PRKX: variants seen among roughly 807,000 people sequenced by gnomAD.
The protein encoded by PRKX is cAMP-dependent protein kinase catalytic subunit PRKX.
Under a neutral mutation model 22.0 loss-of-function variants are expected in PRKX, and 12 were observed. The ratio of observed to expected loss-of-function variants is 0.54; its 90% confidence interval spans 0.35 to 0.88. The LOEUF (loss-of-function observed/expected upper bound fraction) is 0.88. PRKX is among the 40% of genes least tolerant of loss of function. The pLI is 0.01. For missense variants in PRKX, 217 were observed against 308.0 expected (o/e 0.70, Z 2.21); for synonymous variants, 134 against 137.7 (o/e 0.97, Z 0.19).
chrX:3,613,351 C>G (rs1357281075), intron 7 of PRKX, among the ~76,000 whole-genome samples: 3 of 109,219 alleles, frequency 2.7e-5, no homozygotes, highest in African/African-American at 9.9e-5. Flanking sequence ...CACAAAGAAA[C>G]TCTAGAAGGA....
chrX:3,662,998 T>TAA (rs56411206), intron 2 of PRKX, among the ~76,000 whole-genome samples: 1,044 of 78,455 alleles, frequency 0.013, 15 homozygotes, highest in African/African-American at 0.024. Flanking sequence ...GCCCTGTCTT[T>TAA]AAAAAAAAAA....
At chrX:3,650,337 C>T (rs58088526) in intron 3 of PRKX, among the ~76,000 whole-genome samples, 31,006 of 103,447 alleles carry the variant, frequency 0.3, 4,281 homozygotes, top group East Asian at 0.6. Flanking sequence ...CTGGCTAACA[C>T]AGTGAAACCC....
chrX:3,693,889 G>A (rs1475274462), intron 1 of PRKX, among the ~76,000 whole-genome samples: 17 of 98,029 alleles, frequency 1.7e-4, no homozygotes, highest in Non-Finnish European at 2.8e-4. Context: ...GCAGTGAGCC[G>A]AGATTGCGCC....
At chrX:3,689,983 A>C (rs1285622571) in intron 1 of PRKX, among the ~76,000 whole-genome samples, 1 of 111,368 alleles carries the variant, frequency 9.0e-6, no homozygotes, top group Non-Finnish European at 1.9e-5. Flanking sequence ...TCTCGAAAAA[A>C]ACAAAACAAA....
Position 3,605,749 on chromosome X carries a change from T to G in PRKX, c.*3220A>C, listed in dbSNP as rs1926155371. On this transcript the variant is annotated 3_prime_UTR_variant, in exon 9 of 9. Transcript: ENST00000262848. ...AATGGGAAATTCAGTAACAAGTGAT[T>G]GTGCAGTTGTTTGATGGGCATGGAG... The G allele has an allele frequency of 2.7e-5, 3 of 112,300 alleles. No individual in the cohort carries two copies. The South Asian group carries it at 1.1e-3, about 42-fold the overall frequency. 9.3% of individuals were successfully genotyped at this position (112,300 alleles called of 1,213,427 possible).
At chrX:3,620,944 AAAAT>A (rs758621285) in intron 6 of PRKX, among the ~76,000 whole-genome samples, 14 of 111,664 alleles carry the variant, frequency 1.3e-4, no homozygotes, top group Non-Finnish European at 2.4e-4. Flanking sequence ...TTTAAAAAAT[AAAAT>A]AAATAAGTAA....
At chrX:3,647,508 GTAAT>G (rs1190225285) in intron 3 of PRKX, among the ~76,000 whole-genome samples, 1 of 103,511 alleles carries the variant, frequency 9.7e-6, no homozygotes, top group Non-Finnish European at 1.9e-5. Context: ...TGTTATATTA[GTAAT>G]TAACACATTA....
chrX:3,635,675 C>A (rs1327860716), intron 4 of PRKX, among the ~76,000 whole-genome samples: 2 of 111,580 alleles, frequency 1.8e-5, no homozygotes, highest in Admixed American at 1.9e-4. Flanking sequence ...GCAGCCTCGA[C>A]TTCCTGGGCT....
At chrX:3,646,811 G>C (rs1341478474) in intron 3 of PRKX, among the ~76,000 whole-genome samples, 3 of 110,980 alleles carry the variant, frequency 2.7e-5, no homozygotes, top group Admixed American at 9.6e-5. Context: ...GCATGGGACA[G>C]CTTCCGATGG....
At chrX:3,651,671 C>T (rs1455847898) in intron 3 of PRKX, among the ~76,000 whole-genome samples, 2 of 111,309 alleles carry the variant, frequency 1.8e-5, no homozygotes, top group Non-Finnish European at 3.8e-5. Flanking sequence ...TAAAACTGCC[C>T]CCACATCAAG....
Position 3,612,186 on chromosome X carries a change from G to A in PRKX, c.*14C>T. On this transcript the variant is annotated 3_prime_UTR_variant, in exon 8 of 9. Coordinates refer to ENST00000262848, the MANE Select transcript of PRKX (RefSeq NM_005044.5). Reference sequence around the variant, plus strand: ...AAATATAAAGATATACCTTCCAGATGTGAGCTCCTGTCCTCAGAAATTCTT... The same window carrying A: ...AAATATAAAGATATACCTTCCAGATATGAGCTCCTGTCCTCAGAAATTCTT... 5.0e-6 allele frequency: 6 copies of A among 1,204,689 alleles called. No homozygotes were observed. The highest frequency in any genetic ancestry group is 6.7e-6 in the Non-Finnish European group (6 of 892,158).
At chrX:3,707,529 G>A (rs1166157221) in intron 1 of PRKX, among the ~76,000 whole-genome samples, 7 of 111,431 alleles carry the variant, frequency 6.3e-5, no homozygotes, top group Non-Finnish European at 9.4e-5. Context: ...GCGGAGGCAG[G>A]CAGAATGCTT....
chrX:3,634,668 G>C (rs1926851450), intron 4 of PRKX, among the ~76,000 whole-genome samples: 1 of 111,126 alleles, frequency 9.0e-6, no homozygotes, highest in African/African-American at 3.3e-5. Context: ...ACAAAACCCA[G>C]AAAATACAGC....
intron 4 of PRKX, among the ~76,000 whole-genome samples, chrX:3,638,283 ATTGTT>A (rs1280604888): frequency 4.1e-5 from 3 of 73,318 alleles, no homozygotes; most frequent in Non-Finnish European, 8.9e-5. Flanking sequence ...TGAGACTAAT[ATTGTT>A]TTAACTATAG....
chrX:3,651,133 C>CA (rs1232471945), intron 3 of PRKX, among the ~76,000 whole-genome samples: 2 of 107,628 alleles, frequency 1.9e-5, no homozygotes, highest in South Asian at 4.0e-4. Flanking sequence ...AAAGCCCCCA[C>CA]AAAAAAAAAG....
At chrX:3,702,048 T>C (rs1298262306) in intron 1 of PRKX, among the ~76,000 whole-genome samples, 1 of 112,205 alleles carries the variant, frequency 8.9e-6, no homozygotes, top group African/African-American at 3.2e-5. Flanking sequence ...CACTTTACTC[T>C]ATGGATTTGC....
At chrX:3,643,441 G>A (rs1286274394) in intron 3 of PRKX, among the ~76,000 whole-genome samples, 2 of 112,001 alleles carry the variant, frequency 1.8e-5, no homozygotes, top group Non-Finnish European at 3.8e-5. Flanking sequence ...CTCATGGGCT[G>A]GAAAGGAGCT....
At chrX:3,689,875 G>A (rs1318578007) in intron 1 of PRKX, among the ~76,000 whole-genome samples, 2 of 111,096 alleles carry the variant, frequency 1.8e-5, no homozygotes. Context: ...TACTCAGGAG[G>A]CTGGGGCAGG....
intron 1 of PRKX, among the ~76,000 whole-genome samples, chrX:3,709,275 C>T (rs774918384): frequency 2.7e-5 from 3 of 109,997 alleles, no homozygotes; most frequent in Non-Finnish European, 5.7e-5. Context: ...TATTGTCCCA[C>T]GGATATGAAG....
Sources: gnomAD v4.1 joint callset for allele counts (sites outside exome capture counted in the v4.1 genomes callset) on GRCh38, gnomAD v4.1.1 for gene constraint, MANE v1.5 for transcripts, NCBI Gene and HGNC (gene_info 2026-07-23, HGNC 2026-07-21) for gene names.